Variants in BRD10 observed in about 807,000 individuals in gnomAD.
BRD10 encodes the protein uncharacterized bromodomain-containing protein 10.
chr9:5,892,618 C>T, the BRD10 span: 6 of 1,321,630 alleles, frequency 4.5e-6, no homozygotes, highest in Non-Finnish European at 4.3e-6. Flanking sequence ...TGCTGACTTC[C>T]ACCAGTACAT....
the BRD10 span, among the ~76,000 whole-genome samples, chr9:5,911,447 T>A: frequency 6.6e-6 from 1 of 151,044 alleles, no homozygotes; most frequent in South Asian, 2.1e-4. Context: ...GATGTTTTGG[T>A]TACTATAGGC....
the BRD10 span, among the ~76,000 whole-genome samples, chr9:5,990,318 A>G: frequency 1.3e-5 from 2 of 152,236 alleles, no homozygotes; most frequent in Non-Finnish European, 2.9e-5. Context: ...TACTTCTTCA[A>G]TACTGATGAA....
At chr9:5,969,664 C>G in the BRD10 span, among the ~76,000 whole-genome samples, 1 of 152,146 alleles carries the variant, frequency 6.6e-6, no homozygotes, top group Non-Finnish European at 1.5e-5. Context: ...CTGCCTCAGC[C>G]TCCCAAGTAG....
the BRD10 span, chr9:5,919,803 C>G: frequency 6.2e-7 from 1 of 1,613,770 alleles, no homozygotes; most frequent in Non-Finnish European, 8.5e-7. Flanking sequence ...AGTGAAGAAA[C>G]CTTAGATGCT....
the BRD10 span, among the ~76,000 whole-genome samples, chr9:5,949,928 G>A: frequency 6.6e-6 from 1 of 152,036 alleles, no homozygotes; most frequent in African/African-American, 2.4e-5. Context: ...AAAGGAAAAA[G>A]AATTTTACCA....
the BRD10 span, among the ~76,000 whole-genome samples, chr9:5,974,538 CCAGATCATGATG>C: frequency 6.6e-6 from 1 of 152,118 alleles, no homozygotes; most frequent in African/African-American, 2.4e-5. Context: ...GAAAGAGTAT[CCAGATCATGATG>C]CAGACAGACA....
chr9:5,983,742 C>T, the BRD10 span, among the ~76,000 whole-genome samples: 2 of 152,054 alleles, frequency 1.3e-5, no homozygotes, highest in Non-Finnish European at 2.9e-5. Flanking sequence ...AACACACACA[C>T]ATAAGCTCAC....
the BRD10 span, chr9:5,897,762 C>T: frequency 2.1e-6 from 2 of 973,092 alleles, no homozygotes. Context: ...TAACCTTCAG[C>T]TCTGATTCCG....
the BRD10 span, chr9:5,920,754 A>C: frequency 6.2e-7 from 1 of 1,613,946 alleles, no homozygotes; most frequent in Non-Finnish European, 8.5e-7. Flanking sequence ...GGTGTAGGTA[A>C]GGCAACCGTA....
At chr9:5,964,230 C>T in the BRD10 span, among the ~76,000 whole-genome samples, 2 of 144,162 alleles carry the variant, frequency 1.4e-5, no homozygotes, top group African/African-American at 5.1e-5. Flanking sequence ...ACAACCCCAT[C>T]AAAAAGTGGG....
At chr9:5,879,496 T>A in the BRD10 span, among the ~76,000 whole-genome samples, 1 of 152,148 alleles carries the variant, frequency 6.6e-6, no homozygotes, top group Non-Finnish European at 1.5e-5. Context: ...CTCCTTTTCA[T>A]CCCTAAAGGG....
At chr9:5,944,801 G>A in the BRD10 span, 1 of 642,436 alleles carries the variant, frequency 1.6e-6, no homozygotes, top group Non-Finnish European at 2.5e-6. Flanking sequence ...TTTCAAAAAG[G>A]CTTTAGGAAA....
the BRD10 span, among the ~76,000 whole-genome samples, chr9:5,967,681 C>T: frequency 5.4e-5 from 7 of 128,962 alleles, no homozygotes; most frequent in Non-Finnish European, 9.7e-5. Context: ...CTACACTGTA[C>T]TGCCCTTAGC....
At chr9:5,891,235 C>T in the BRD10 span, 1 of 152,224 alleles carries the variant, frequency 6.6e-6, no homozygotes, top group Admixed American at 6.5e-5. Context: ...AGAACCACTT[C>T]TCCTGGTCTG....
the BRD10 span, among the ~76,000 whole-genome samples, chr9:5,888,392 TC>T: frequency 6.6e-6 from 1 of 152,380 alleles, no homozygotes; most frequent in East Asian, 1.9e-4. Flanking sequence ...ATGTTATACA[TC>T]ATTTTAATGG....
the BRD10 span, chr9:5,898,021 G>C: frequency 9.8e-6 from 2 of 203,212 alleles, no homozygotes; most frequent in Admixed American, 5.1e-5. Context: ...GGCATCACAT[G>C]GGCAAGGGAG....
the BRD10 span, among the ~76,000 whole-genome samples, chr9:5,987,400 A>G: frequency 6.6e-6 from 1 of 152,074 alleles, no homozygotes; most frequent in Non-Finnish European, 1.5e-5. Context: ...CCTTTTCTTC[A>G]ATTCTCCCCA....
At chr9:5,988,494 T>A in the BRD10 span, 1 of 1,613,860 alleles carries the variant, frequency 6.2e-7, no homozygotes, top group South Asian at 1.1e-5. Flanking sequence ...CATCCTCCAA[T>A]CCATAATAGC....
chr9:5,922,526 G>A, the BRD10 span: 16 of 1,613,916 alleles, frequency 9.9e-6, no homozygotes, highest in Non-Finnish European at 1.4e-5. Context: ...AACAGTTCCT[G>A]GTGAGTTGAC....
Sources: gnomAD v4.1 joint callset for allele counts (sites outside exome capture counted in the v4.1 genomes callset) on GRCh38, gnomAD v4.1.1 for gene constraint, MANE v1.5 for transcripts, NCBI Gene and HGNC (gene_info 2026-07-23, HGNC 2026-07-21) for gene names.